The following KDM4C variants were observed in gnomAD, a reference collection of about 807,000 sequenced individuals.
KDM4C encodes the protein lysine demethylase 4C, also known as lysine-specific demethylase 4C.
In KDM4C, 81 loss-of-function variants were observed where a neutral mutation model predicts 129.3. The ratio of observed to expected loss-of-function variants is 0.63; its 90% CI spans 0.52 to 0.75. The LOEUF is 0.75. Ranked by LOEUF, KDM4C falls within the 30% of genes least tolerant of loss-of-function variation. KDM4C has a pLI of 0.00. For missense variants in KDM4C, 1,457 were observed against 1,304.0 expected, an observed-to-expected ratio of 1.12 and a Z score of -1.81; for synonymous variants, 573 against 456.1, an observed-to-expected ratio of 1.26 and a Z score of -3.26.
intron 18 of KDM4C, among the ~76,000 whole-genome samples, chr9:7,106,977 A>G (rs908546814): frequency 4.6e-5 from 7 of 152,190 alleles, no homozygotes; most frequent in African/African-American, 1.7e-4. Context: ...AAAGATGGAA[A>G]AAAGTGTGTC....
At chr9:7,016,329 G>A (rs905196767) in intron 15 of KDM4C, among the ~76,000 whole-genome samples, 18 of 148,194 alleles carry the variant, frequency 1.2e-4, no homozygotes, top group African/African-American at 2.5e-4. Flanking sequence ...GGGTTTCAAC[G>A]TGTTAACCAG....
chr9:6,796,452 C>T (rs755581883), intron 2 of KDM4C, among the ~76,000 whole-genome samples: 3 of 152,176 alleles, frequency 2.0e-5, no homozygotes, highest in Non-Finnish European at 2.9e-5. Flanking sequence ...TGTTCTCTCC[C>T]ACTTTTGTTT....
intron 8 of KDM4C, among the ~76,000 whole-genome samples, chr9:6,935,892 GA>G (rs1460578647): frequency 1.3e-5 from 2 of 152,222 alleles, no homozygotes; most frequent in East Asian, 3.9e-4. Context: ...TTTAGGGCTT[GA>G]ATTTTTTGAA....
chr9:7,164,492 A>G (rs1014289748), intron 19 of KDM4C, among the ~76,000 whole-genome samples: 1 of 152,152 alleles, frequency 6.6e-6, no homozygotes, highest in African/African-American at 2.4e-5. Flanking sequence ...CCTGCAGAAA[A>G]AGGTGGGCTC....
At position 7,103,697 on chromosome 9, in the gene KDM4C, T is replaced by C; in HGVS notation, c.2437T>C (p.Cys813Arg). 15 of 1,613,502 alleles carry C rather than the reference T, an allele frequency of 9.3e-6. No homozygotes were observed. The highest frequency in any genetic ancestry group is 1.3e-5 in the Non-Finnish European group (15 of 1,179,644). The change falls in exon 18 of 22, where the codon TGC (cysteine) becomes CGC (arginine). Residue 813 changes from cysteine (C) to arginine (R), a missense_variant. Transcript: ENST00000381309. ...TTTAACCTTCCAGAAATGCATCTTC[T>C]GCAGACACCGGGTTAAGAGGGTCTC... ...LQRLKLKCIF[C>R]RHRVKRVSGA...
At chr9:6,806,920 G>GTCTCCCCACGGTCTCCC (rs1564056004) in intron 3 of KDM4C, among the ~76,000 whole-genome samples, 7 of 120,618 alleles carry the variant, frequency 5.8e-5, no homozygotes, top group Non-Finnish European at 1.1e-4. Context: ...CTCCCTCTCC[G>GTCTCCCCACGGTCTCCC]TCTCCCCACG....
At chr9:6,828,874 GAAA>G (rs61562446) in intron 4 of KDM4C, among the ~76,000 whole-genome samples, 1 of 150,844 alleles carries the variant, frequency 6.6e-6, no homozygotes, top group Non-Finnish European at 1.5e-5. Context: ...TCCGTCTCAA[GAAA>G]AAAAAAATTG....
chr9:7,089,206 T>TA (rs1031278449), intron 17 of KDM4C, among the ~76,000 whole-genome samples: 5 of 152,186 alleles, frequency 3.3e-5, no homozygotes, highest in Admixed American at 6.5e-5. Context: ...TTGAATAACG[T>TA]AAAAAAATCA....
At chr9:6,853,493 A>G (rs1163466715) in intron 5 of KDM4C, among the ~76,000 whole-genome samples, 1 of 152,160 alleles carries the variant, frequency 6.6e-6, no homozygotes, top group Non-Finnish European at 1.5e-5. Context: ...ACACTGTCTC[A>G]AAGAATAAAA....
At chr9:6,786,528 A>G (rs543054864) in intron 1 of KDM4C, among the ~76,000 whole-genome samples, 145 of 152,350 alleles carry the variant, frequency 9.5e-4, no homozygotes, top group African/African-American at 3.4e-3. Flanking sequence ...GAAGGGTAGC[A>G]TTTAAAAAAA....
intron 5 of KDM4C, among the ~76,000 whole-genome samples, chr9:6,876,698 C>T (rs779684578): frequency 6.6e-6 from 1 of 152,120 alleles, no homozygotes; most frequent in Admixed American, 6.6e-5. Flanking sequence ...GCAGAGAAGT[C>T]AGTGAGTCTA....
Position 6,808,758 on chromosome 9 carries a change from G to T in KDM4C, c.320+2984G>T, listed in dbSNP as rs1588425908. Among the ~76,000 whole-genome samples, 3 of 101,750 alleles carry T rather than the reference G, an allele frequency of 2.9e-5. 1 individual carries two copies. The highest frequency in any genetic ancestry group is 0.011 in the Middle Eastern group (2 of 180). The allele number at this position is 101,750 out of a possible 152,430, so 66.8% of individuals were successfully genotyped here. On this transcript the variant is annotated intron_variant, in intron 3 of 21. Coordinates refer to ENST00000381309, the MANE Select transcript of KDM4C (RefSeq NM_015061.6). ...GCCATATTCTGTTTGTTACAAGCCA[G>T]TTGTTAAGTGTAGCTAGCCTACACT...
chr9:7,031,108 C>T (rs559755316), intron 15 of KDM4C, among the ~76,000 whole-genome samples: 1 of 151,418 alleles, frequency 6.6e-6, no homozygotes, highest in South Asian at 2.1e-4. Flanking sequence ...TACATGTATT[C>T]ATTGTGTCCT....
At position 7,128,141 on chromosome 9, in the gene KDM4C, A is replaced by G. The variant is rs200687299; in HGVS notation, c.2686A>G (p.Ser896Gly). 6.2e-7 allele frequency: 1 copy of G among 1,613,224 alleles called. No homozygotes were observed. The highest frequency in any genetic ancestry group is 2.2e-5 in the East Asian group (1 of 44,812). Residue 896 changes from serine (S) to glycine (G), a missense_variant, in exon 19 of 22, where the codon AGT (serine) becomes GGT (glycine). Transcript: ENST00000381309. ...GAAGCATCGGAACACCCGGTATTACAGTTGCAGAGTGATGGCTGTGACATC... is the reference window on the plus strand; with the variant it reads ...GAAGCATCGGAACACCCGGTATTACGGTTGCAGAGTGATGGCTGTGACATC... ...ITKHRNTRYY[S>G]CRVMAVTSQT... is the part of the protein sequence containing the mutation.
At position 6,737,836 on chromosome 9, in the gene KDM4C, CA is replaced by C. The variant is rs199722034; in HGVS notation, c.49+16845del. Reference sequence around the variant, plus strand: ...GTCAGAATGACTATTATTAAAAAGTCAAAAAATGACAGATGCTGGGCTGGGC... The same window carrying C: ...GTCAGAATGACTATTATTAAAAAGTCAAAAATGACAGATGCTGGGCTGGGC... On this transcript the variant is annotated intron_variant, in intron 1 of 17. Transcript: ENST00000536108. 2.9e-4 allele frequency among the ~76,000 whole-genome samples: 44 copies of C among 151,654 alleles called. No individual in the cohort carries two copies. The East Asian group carries it at 8.2e-3, about 28-fold the overall frequency.
chr9:6,986,349 A>G lies in KDM4C; in HGVS notation c.1360A>G (p.Ser454Gly). ...GTCTTCTGTTTTATCCTCAGGAAAC[A>G]GCTGCTTAAGTACATCTGTAACAGA... ...LSDHIKLSGN[S>G]CLSTSVTEDI... Residue 454 changes from serine (S) to glycine (G), a missense_variant, in exon 11 of 22, where the codon AGC becomes GGC. Transcript: ENST00000381309. 1 of 1,604,638 alleles carries G rather than the reference A, an allele frequency of 6.2e-7. No individual in the cohort carries two copies. Among genetic ancestry groups the G allele is most frequent in the Non-Finnish European group, 8.5e-7 (1 of 1,172,728 alleles).
intron 2 of KDM4C, among the ~76,000 whole-genome samples, chr9:6,802,368 C>T (rs781639677): frequency 6.6e-6 from 1 of 152,106 alleles, no homozygotes; most frequent in Non-Finnish European, 1.5e-5. Context: ...TTGAACTACA[C>T]GTATCCTATG....
chr9:6,932,019 C>A (rs1823835418), intron 8 of KDM4C, among the ~76,000 whole-genome samples: 1 of 152,158 alleles, frequency 6.6e-6, no homozygotes, highest in South Asian at 2.1e-4. Flanking sequence ...AGTGATTCAT[C>A]AGAGAAGTGA....
intron 4 of KDM4C, among the ~76,000 whole-genome samples, chr9:6,825,744 A>T (rs1354752444): frequency 6.6e-6 from 1 of 152,212 alleles, no homozygotes; most frequent in African/African-American, 2.4e-5. Context: ...TCAGGTATTT[A>T]TTAATGGAAA....
Sources: allele counts gnomAD v4.1 joint callset (sites outside exome capture counted in the v4.1 genomes callset), GRCh38; gene constraint gnomAD v4.1.1; transcripts MANE v1.5; gene names NCBI Gene and HGNC (gene_info 2026-07-23, HGNC 2026-07-21).